Variants in RBM47 observed in about 807,000 individuals in gnomAD.
RBM47 encodes RNA-binding protein 47.
Under a neutral mutation model 47.1 loss-of-function variants are expected in RBM47, and 21 were observed. The observed-to-expected ratio is 0.45, with a 90% confidence interval of 0.32 to 0.64. The LOEUF (loss-of-function observed/expected upper bound fraction) is 0.64, where lower values mean the gene tolerates loss of function less well. Ranked by LOEUF, RBM47 falls within the 30% of genes least tolerant of loss-of-function variation. The pLI is 0.05. For synonymous variants in RBM47, 375 were observed against 361.7 expected (o/e 1.04, Z -0.42); for missense variants, 708 against 870.9 (o/e 0.81, Z 2.35).
chr4:40,580,769 G>A (rs1430704049), intron 1 of RBM47, among the ~76,000 whole-genome samples: 2 of 152,224 alleles, frequency 1.3e-5, no homozygotes, highest in Non-Finnish European at 2.9e-5. Flanking sequence ...GCAGAGACAG[G>A]AGAATTTCAG....
intron 1 of RBM47, among the ~76,000 whole-genome samples, chr4:40,552,808 C>T (rs972784069): frequency 5.3e-5 from 8 of 152,184 alleles, no homozygotes; most frequent in Non-Finnish European, 1.2e-4. Flanking sequence ...CAAACCAGCT[C>T]ATCCTCTTCT....
chr4:40,544,133 C>T (rs1360978806), intron 2 of RBM47: 1 of 152,166 alleles, frequency 6.6e-6, no homozygotes, highest in African/African-American at 2.4e-5. Context: ...CACCACCAGA[C>T]ATTTTCATGA....
chr4:40,525,944 TC>T (rs1726660899), intron 2 of RBM47, among the ~76,000 whole-genome samples: 1 of 152,204 alleles, frequency 6.6e-6, no homozygotes, highest in African/African-American at 2.4e-5. Flanking sequence ...GGCTCTTGCC[TC>T]TTCATTTCAG....
chr4:40,500,169 C>T (rs928807612), intron 2 of RBM47, among the ~76,000 whole-genome samples: 4 of 152,084 alleles, frequency 2.6e-5, no homozygotes, highest in Admixed American at 6.5e-5. Context: ...CAAAATTAGC[C>T]GGGTGTGGTG....
chr4:40,539,060 GTAGATT>G (rs151112771), intron 2 of RBM47, among the ~76,000 whole-genome samples: 1 of 152,228 alleles, frequency 6.6e-6, no homozygotes, highest in Non-Finnish European at 1.5e-5. Context: ...ATGGTCCTAT[GTAGATT>G]TAATTTAAAT....
chr4:40,506,794 T>C (rs1724155727), intron 2 of RBM47, among the ~76,000 whole-genome samples: 1 of 152,232 alleles, frequency 6.6e-6, no homozygotes, highest in South Asian at 2.1e-4. Flanking sequence ...ATGATTCAGA[T>C]GGAGCCAAAC....
intron 1 of RBM47, among the ~76,000 whole-genome samples, chr4:40,583,662 T>A (rs1733221961): frequency 6.6e-6 from 1 of 151,576 alleles, no homozygotes; most frequent in Admixed American, 6.6e-5. Context: ...ATCGAGACCA[T>A]CCTGGCTAAC....
chr4:40,439,431 A>AT (rs1220036256), intron 3 of RBM47, among the ~76,000 whole-genome samples: 3 of 152,228 alleles, frequency 2.0e-5, no homozygotes, highest in Non-Finnish European at 4.4e-5. Flanking sequence ...AGGAGCTGTC[A>AT]TTGTATAGAG....
chr4:40,437,718 C>T, intron 4 of RBM47, 53 bp downstream of exon 4: 1 of 1,500,480 alleles, frequency 6.7e-7, no homozygotes, highest in Non-Finnish European at 9.1e-7. Flanking sequence ...GTGCCCCCTG[C>T]CTAGGAGGCA....
At chr4:40,512,829 C>T (rs1418179428) in intron 2 of RBM47, among the ~76,000 whole-genome samples, 2 of 151,994 alleles carry the variant, frequency 1.3e-5, no homozygotes, top group South Asian at 2.1e-4. Flanking sequence ...TTTGGATTCA[C>T]ATGGTATGGC....
intron 2 of RBM47, among the ~76,000 whole-genome samples, chr4:40,485,442 C>T (rs1298584056): frequency 2.0e-5 from 3 of 152,142 alleles, no homozygotes; most frequent in Non-Finnish European, 1.5e-5. Flanking sequence ...CATGTTTGTT[C>T]CAGGATTCCA....
At chr4:40,598,583 CA>C (rs568436532) in intron 1 of RBM47, among the ~76,000 whole-genome samples, 12 of 146,492 alleles carry the variant, frequency 8.2e-5, no homozygotes, top group Non-Finnish European at 1.5e-4. Flanking sequence ...TGCTTTGTCT[CA>C]AAAAAAAAGA....
In RBM47 at chr4:40,614,207, C is replaced by A. The variant is rs574739624; in HGVS notation, c.-240+15189G>T. Among the ~76,000 whole-genome samples, 27 of 152,248 alleles carry A rather than the reference C, an allele frequency of 1.8e-4. No homozygotes were observed. The South Asian group carries it at 4.1e-3, about 23-fold the overall frequency. On this transcript the variant is annotated intron_variant, in intron 1 of 6. Transcript: ENST00000295971. ...CTAACCCAGCATTATTTCCTTCCTG[C>A]GACTTAAAGCCAAGTAACCATCCCC...
chr4:40,537,331 G>A (rs1252820555), intron 2 of RBM47, among the ~76,000 whole-genome samples: 4 of 151,606 alleles, frequency 2.6e-5, no homozygotes, highest in Non-Finnish European at 4.4e-5. Context: ...GGAGTGTGGT[G>A]CCTCCATCTC....
rs145802355 is a variant in RBM47 at position 40,605,180 on chromosome 4, G to A, written c.-240+24216C>T. On this transcript the variant is annotated intron_variant, in intron 1 of 6. Transcript: ENST00000295971. ...TGGGATTACAGGCACCCGCCACCGC[G>A]CCCAGCTAATTTTTTTGTATTTTTA... Among the ~76,000 whole-genome samples, 1,370 of 149,068 alleles carry A rather than the reference G, an allele frequency of 9.2e-3. 23 individuals are homozygous for A. The highest frequency in any genetic ancestry group is 0.032 in the African/African-American group (1,293 of 40,414).
intron 2 of RBM47, among the ~76,000 whole-genome samples, chr4:40,518,794 C>A (rs1415298463): frequency 6.6e-6 from 1 of 151,312 alleles, no homozygotes; most frequent in Non-Finnish European, 1.5e-5. Flanking sequence ...CTAATGATAG[C>A]TTATGAGCTT....
intron 3 of RBM47, among the ~76,000 whole-genome samples, chr4:40,462,619 G>C (rs1427289630): frequency 6.6e-6 from 1 of 152,034 alleles, no homozygotes; most frequent in Non-Finnish European, 1.5e-5. Context: ...GCTTTCACCT[G>C]TCTGTTGGGA....
upstream of RBM47, chr4:40,630,663 C>G (rs1402894063): frequency 2.0e-5 from 3 of 152,230 alleles, no homozygotes; most frequent in Non-Finnish European, 4.4e-5. Flanking sequence ...GAAACAGCAG[C>G]CAAGCCCTCG....
intron 1 of RBM47, among the ~76,000 whole-genome samples, chr4:40,566,179 A>G (rs1390930358): frequency 6.6e-6 from 1 of 152,216 alleles, no homozygotes; most frequent in Non-Finnish European, 1.5e-5. Flanking sequence ...GGAAGTGGCT[A>G]CACATTATTG....
Sources: allele counts gnomAD v4.1 joint callset (sites outside exome capture counted in the v4.1 genomes callset), GRCh38; gene constraint gnomAD v4.1.1; transcripts MANE v1.5; gene names NCBI Gene and HGNC (gene_info 2026-07-23, HGNC 2026-07-21).